The following GIGYF2 variants were observed in gnomAD, a reference collection of about 807,000 sequenced individuals.
GIGYF2 encodes GRB10 interacting GYF protein 2.
A neutral mutation model predicts 208.1 loss-of-function variants in GIGYF2; 25 were observed. The observed-to-expected ratio is 0.12, with a 90% CI of 0.09 to 0.17. The LOEUF (loss-of-function observed/expected upper bound fraction) is 0.17, where lower values mean the gene tolerates loss of function less well. GIGYF2 is among the 10% of genes least tolerant of loss of function. The pLI, the probability that GIGYF2 is intolerant of heterozygous loss-of-function variation, is 1.00. For missense variants in GIGYF2, 1,302 were observed against 1,579.4 expected, an observed-to-expected ratio of 0.82 and a Z score of 2.98; for synonymous variants, 534 against 543.8, an observed-to-expected ratio of 0.98 and a Z score of 0.25.
intron 14 of GIGYF2, among the ~76,000 whole-genome samples, chr2:232,802,158 G>A (rs772904204): frequency 6.6e-6 from 1 of 150,896 alleles, no homozygotes; most frequent in Non-Finnish European, 1.5e-5. Context: ...CTTCTAACCT[G>A]TTTTTAGAAA....
chr2:232,737,991 A>G (rs1414685254), intron 3 of GIGYF2, among the ~76,000 whole-genome samples: 1 of 139,902 alleles, frequency 7.1e-6, no homozygotes, highest in Non-Finnish European at 1.5e-5. Flanking sequence ...ATCTCAGCTC[A>G]CTGCAACCTC....
rs76754523 is a variant in GIGYF2 at position 232,845,046 on chromosome 2, C to T, written c.3305+472C>T. On this transcript the variant is annotated intron_variant, in intron 25 of 28. Coordinates refer to ENST00000373563, the MANE Select transcript of GIGYF2 (RefSeq NM_001103146.3). ...TTCTTCAATATACAGTGTTGTTGAA[C>T]GAGCATGGGTTTTAGTGTTAAATAC... 0.013 allele frequency among the ~76,000 whole-genome samples: 1,952 copies of T among 152,162 alleles called. 86 individuals are homozygous for T. The East Asian group carries it at 0.17, about 13-fold the overall frequency.
intron 8 of GIGYF2, chr2:232,768,914 T>C: frequency 9.6e-7 from 1 of 1,046,176 alleles, no homozygotes; most frequent in Non-Finnish European, 1.4e-6. Context: ...CATTTCTTGG[T>C]GCCATGCCTT....
In GIGYF2 at chr2:232,756,299, G is replaced by T; in HGVS notation, c.344G>T (p.Gly115Val). 1 of 1,585,598 alleles carries T rather than the reference G, an allele frequency of 6.3e-7. No individual in the cohort carries two copies. Among genetic ancestry groups the T allele is most frequent in the South Asian group, 1.2e-5 (1 of 85,404 alleles). ...CGAGGAGGAGGAGGAACAGTGGTGG[G>T]GGCTCCTAGAGGTCGAAGTTCTTCA... Reference protein sequence around the residue: ...TGRGGGGTVVGAPRGRSSSRG... With the variant: ...TGRGGGGTVVVAPRGRSSSRG... Residue 115 changes from glycine (G) to valine (V), a missense_variant, in exon 6 of 29, where the codon GGG becomes GTG. Transcript: ENST00000373563.
intron 2 of GIGYF2, among the ~76,000 whole-genome samples, chr2:232,727,377 A>T (rs928901123): frequency 8.5e-5 from 13 of 152,262 alleles, no homozygotes; most frequent in Non-Finnish European, 1.5e-4. Context: ...ATAGTGTATG[A>T]TTCTTGCTTT....
intron 15 of GIGYF2, among the ~76,000 whole-genome samples, chr2:232,807,451 A>C (rs1362578525): frequency 6.6e-6 from 1 of 152,202 alleles, no homozygotes; most frequent in Non-Finnish European, 1.5e-5. Flanking sequence ...TGAGCCTAGG[A>C]AGTTGAGGCT....
chr2:232,797,060 A>C (rs968798969), intron 14 of GIGYF2, among the ~76,000 whole-genome samples: 1 of 144,582 alleles, frequency 6.9e-6, no homozygotes, highest in Non-Finnish European at 1.5e-5. Flanking sequence ...TGGCAGCAGT[A>C]GTGTTGGAGG....
Position 232,729,454 on chromosome 2 carries a change from T to C in GIGYF2, c.-43-5701T>C, listed in dbSNP as rs544688594. ...TTGATAATTAAATAACTTGGTTTAT[T>C]ATTTTTAGGTTTTTTTTTTTAATTA... On this transcript the variant is annotated intron_variant, in intron 2 of 28. Transcript: ENST00000373563. 87 of 807,630 alleles carry C rather than the reference T, an allele frequency of 1.1e-4. 1 individual carries two copies. The highest frequency in any genetic ancestry group is 1.4e-4 in the Non-Finnish European group (80 of 571,810). The allele number at this position is 807,630 out of a possible 1,614,324, so 50.0% of individuals were successfully genotyped here.
At chr2:232,801,810 G>A (rs890380327) in intron 14 of GIGYF2, among the ~76,000 whole-genome samples, 1 of 152,210 alleles carries the variant, frequency 6.6e-6, no homozygotes, top group Non-Finnish European at 1.5e-5. Context: ...TGTTTCTGCA[G>A]CAAGCTTCAT....
chr2:232,847,916 C>T (rs1702076042), intron 27 of GIGYF2, among the ~76,000 whole-genome samples: 1 of 152,164 alleles, frequency 6.6e-6, no homozygotes, highest in African/African-American at 2.4e-5. Context: ...GTTCAGGATG[C>T]ACTGTATTGA....
intron 3 of GIGYF2, among the ~76,000 whole-genome samples, chr2:232,739,344 C>G (rs1401133038): frequency 1.5e-5 from 2 of 135,574 alleles, no homozygotes; most frequent in Non-Finnish European, 3.1e-5. Context: ...GACAACAAGC[C>G]TGGGCAACAA....
At chr2:232,703,288 TAC>T (rs1326694942) in intron 1 of GIGYF2, 134 bp from the exon 2 acceptor site, 9 of 152,610 alleles carry the variant, frequency 5.9e-5, no homozygotes, top group African/African-American at 1.9e-4. Context: ...AGTTTATAAA[TAC>T]ACCAGGTGAT....
chr2:232,714,271 T>G (rs992452256), intron 2 of GIGYF2, among the ~76,000 whole-genome samples: 1 of 152,190 alleles, frequency 6.6e-6, no homozygotes, highest in African/African-American at 2.4e-5. Context: ...TTTTAAAATT[T>G]TGGTTAATCT....
chr2:232,762,230 T>C (rs1323157777), intron 8 of GIGYF2, among the ~76,000 whole-genome samples: 1 of 109,168 alleles, frequency 9.2e-6, no homozygotes, highest in African/African-American at 3.4e-5. Flanking sequence ...TCATGTCTTT[T>C]TTTTTTTGTT....
chr2:232,710,692 C>CTTT (rs35154227), intron 2 of GIGYF2, among the ~76,000 whole-genome samples: 12 of 113,972 alleles, frequency 1.1e-4, no homozygotes, highest in South Asian at 3.0e-4. Context: ...TCTTGGTGTT[C>CTTT]TTTTTTTTTT....
chr2:232,710,570 GC>G (rs1409977178), intron 2 of GIGYF2, among the ~76,000 whole-genome samples: 1 of 152,154 alleles, frequency 6.6e-6, no homozygotes. Flanking sequence ...AGTGAGAGAG[GC>G]AGTCAAACAA....
At chr2:232,707,510 C>T (rs965034063) in intron 2 of GIGYF2, among the ~76,000 whole-genome samples, 1 of 152,168 alleles carries the variant, frequency 6.6e-6, no homozygotes, top group Non-Finnish European at 1.5e-5. Flanking sequence ...CTGCTCAAAC[C>T]ATGACCAGAT....
Position 232,812,396 on chromosome 2 carries a change from C to A in GIGYF2, c.2012C>A (p.Ser671Tyr). The change falls in exon 18 of 29, where the codon TCT (serine) becomes TAT (tyrosine). Residue 671 changes from serine (S) to tyrosine (Y), a missense_variant. Transcript: ENST00000373563. ...QQFQTLKMRI[S>Y]DQNIIPSVTR... ...TTTTTATTTCCCTTTTGCAGAATAT[C>A]TGATCAGAACATCATTCCCTCAGTA... 2.3e-6 allele frequency: 3 copies of A among 1,332,070 alleles called. No individual in the cohort carries two copies. Among genetic ancestry groups the A allele is most frequent in the Non-Finnish European group, 3.2e-6 (3 of 924,442 alleles). The allele number at this position is 1,332,070 out of a possible 1,614,324, so 82.5% of individuals were successfully genotyped here. A position where few individuals can be genotyped will look rare whatever the true frequency, so the allele number is the denominator to read the frequency against.
chr2:232,767,830 G>GA (rs1453745243), intron 8 of GIGYF2: 1 of 265,720 alleles, frequency 3.8e-6, no homozygotes, highest in African/African-American at 2.3e-5. Context: ...ATTTGCAGAT[G>GA]AAAATGAGAG....
Sources: allele counts gnomAD v4.1 joint callset (sites outside exome capture counted in the v4.1 genomes callset), GRCh38; gene constraint gnomAD v4.1.1; transcripts MANE v1.5; gene names NCBI Gene and HGNC (gene_info 2026-07-23, HGNC 2026-07-21).